Variants in SPEN observed in about 807,000 individuals in gnomAD.
SPEN encodes the protein msx2-interacting protein.
A neutral mutation model predicts 269.9 loss-of-function variants in SPEN; 18 were observed. The ratio of observed to expected loss-of-function variants is 0.07; its 90% CI spans 0.05 to 0.10. The LOEUF (loss-of-function observed/expected upper bound fraction) is 0.10. Ranked by LOEUF, SPEN falls within the 10% of genes least tolerant of loss-of-function variation. The probability of loss-of-function intolerance (pLI) is 1.00; values close to 1 mark genes in which losing one functional copy is unlikely to be tolerated. For synonymous variants in SPEN, 1,726 were observed against 1,765.7 expected (o/e 0.98, Z 0.56); for missense variants, 3,822 against 4,631.2 (o/e 0.83, Z 5.07).
At chr1:15,896,766 T>A (rs1434335665) in intron 3 of SPEN, among the ~76,000 whole-genome samples, 1 of 152,172 alleles carries the variant, frequency 6.6e-6, no homozygotes, top group Non-Finnish European at 1.5e-5. Flanking sequence ...AGAGGAAAAA[T>A]TACTAGCTTG....
chr1:15,921,852 T>A (rs1159264351), intron 9 of SPEN, among the ~76,000 whole-genome samples: 2 of 152,252 alleles, frequency 1.3e-5, no homozygotes, highest in African/African-American at 4.8e-5. Flanking sequence ...GAGCATCATA[T>A]GCTTTAGTAA....
At chr1:15,865,569 C>T (rs573980858) in intron 1 of SPEN, among the ~76,000 whole-genome samples, 30 of 150,646 alleles carry the variant, frequency 2.0e-4, no homozygotes, top group Non-Finnish European at 3.2e-4. Context: ...ACTACAGGCA[C>T]GCACCGCCAC....
chr1:15,853,486 T>C (rs2070356099), intron 1 of SPEN, among the ~76,000 whole-genome samples: 1 of 150,814 alleles, frequency 6.6e-6, no homozygotes, highest in Admixed American at 6.6e-5. Context: ...TGTGCTGGCC[T>C]ATTTTTATTT....
chr1:15,934,822 T>C lies in SPEN; in HGVS notation c.8582T>C (p.Val2861Ala), dbSNP rs2148742902. 1 of 1,614,176 alleles carries C rather than the reference T, an allele frequency of 6.2e-7. No homozygotes were observed. Among genetic ancestry groups the C allele is most frequent in the South Asian group, 1.1e-5 (1 of 91,080 alleles). Residue 2861 changes from valine to alanine, a missense_variant, in exon 11 of 15, where the codon GTC becomes GCC. Val to Ala is a moderately conservative substitution (Grantham distance 64). This residue lies in a region of SPEN where 329 missense variants were observed against 431.2 expected (regional missense o/e 0.76). Coordinates refer to ENST00000375759, the MANE Select transcript of SPEN (RefSeq NM_015001.3). The surrounding 1 kb of genome is among the most constrained non-coding windows in gnomAD (Gnocchi z 9.2). The part of the protein sequence containing the change: ...VSKSQVKPDS[V>A]TASQPPSKGP... Reference sequence around the variant, plus strand: ...AAGTCCCAGGTCAAACCTGATTCTGTCACAGCATCGCAGCCTCCATCCAAA... The same window carrying C: ...AAGTCCCAGGTCAAACCTGATTCTGCCACAGCATCGCAGCCTCCATCCAAA...
At chr1:15,899,369 G>T (rs547083850) in intron 3 of SPEN, among the ~76,000 whole-genome samples, 1 of 151,792 alleles carries the variant, frequency 6.6e-6, no homozygotes, top group South Asian at 2.1e-4. Context: ...TTGTAGAGAC[G>T]GGGTTTCGCC....
At chr1:15,907,098 T>A (rs1358623556) in intron 3 of SPEN, among the ~76,000 whole-genome samples, 1 of 152,096 alleles carries the variant, frequency 6.6e-6, no homozygotes, top group Non-Finnish European at 1.5e-5. Context: ...CTTTAACATG[T>A]GAGAGCTAAA....
At chr1:15,852,569 A>T (rs1184593067) in intron 1 of SPEN, among the ~76,000 whole-genome samples, 1 of 152,198 alleles carries the variant, frequency 6.6e-6, no homozygotes, top group Admixed American at 6.6e-5. Flanking sequence ...GCTCACTGCC[A>T]GGAAGAATGA....
intron 1 of SPEN, among the ~76,000 whole-genome samples, chr1:15,871,029 G>C (rs1037549453): frequency 6.7e-6 from 1 of 149,024 alleles, no homozygotes. Flanking sequence ...TGCCCAGGGT[G>C]GATCTCGGCC....
Position 15,938,798 on chromosome 1 carries a change from C to T in SPEN, c.10785C>T (p.Leu3595=), listed in dbSNP as rs760444681. The part of the protein sequence containing the change: ...QEDVVSQTES[L]KAAFITYLQA... ...ATGTTGTGAGCCAGACCGAGTCCCT[C>T]AAGGCTGCCTTCATCACTTACCTGC... Residue 3595 remains leucine (L), a synonymous_variant, in exon 14 of 15, where the codon CTC becomes CTT. Coordinates refer to ENST00000375759, the MANE Select transcript of SPEN (RefSeq NM_015001.3). The T allele has an allele frequency of 6.2e-7, 1 of 1,614,060 alleles. No individual in the cohort carries two copies. Among genetic ancestry groups the T allele is most frequent in the South Asian group, 1.1e-5 (1 of 91,080 alleles).
At chr1:15,851,051 A>C (rs1280829034) in intron 1 of SPEN, among the ~76,000 whole-genome samples, 1 of 152,240 alleles carries the variant, frequency 6.6e-6, no homozygotes, top group East Asian at 1.9e-4. Flanking sequence ...TAAACCAGAC[A>C]GCTTTGGGGA....
In SPEN at chr1:15,930,124, T is replaced by C. The variant is rs1439402055; in HGVS notation, c.3884T>C (p.Leu1295Pro). 1 of 1,614,096 alleles carries C rather than the reference T, an allele frequency of 6.2e-7. No individual in the cohort carries two copies. The highest frequency in any genetic ancestry group is 1.3e-5 in the African/African-American group (1 of 74,930). The change falls in exon 11 of 15, where the codon CTC (leucine) becomes CCC (proline). Residue 1295 changes from leucine to proline, a missense_variant. Physicochemically the swap from Leu to Pro is moderately conservative, Grantham distance 98. Coordinates refer to ENST00000375759, the MANE Select transcript of SPEN (RefSeq NM_015001.3). The surrounding 1 kb of genome is among the most constrained non-coding windows in gnomAD (Gnocchi z 5.3). ...TCTCCTAAAGTAGATGAAAAAGTCC[T>C]CCCCTATTCTAACATAACAGTCAGG... ...KGSPKVDEKV[L>P]PYSNITVREE...
At chr1:15,877,044 T>C (rs74054879) in intron 3 of SPEN, among the ~76,000 whole-genome samples, 3,112 of 152,308 alleles carry the variant, frequency 0.02, 97 homozygotes, top group African/African-American at 0.07. Flanking sequence ...ATTATTTTGA[T>C]TGAAGATTTG....
At chr1:15,854,570 C>T (rs774349552) in intron 1 of SPEN, among the ~76,000 whole-genome samples, 6 of 152,118 alleles carry the variant, frequency 3.9e-5, no homozygotes, top group Non-Finnish European at 8.8e-5. Context: ...TCACCGCGAC[C>T]TCTGCCTCCC....
intron 10 of SPEN, among the ~76,000 whole-genome samples, chr1:15,926,323 C>T (rs1182281439): frequency 6.6e-6 from 1 of 151,838 alleles, no homozygotes; most frequent in Non-Finnish European, 1.5e-5. Context: ...TCGCTTGAAC[C>T]CCAGAGGTGG....
In SPEN at chr1:15,874,861, A is replaced by G. The variant is rs548182029; in HGVS notation, c.405-1341A>G. ...AGTTGTTTTTCACAATAGCAGCAAA[A>G]AAAGCTAAACTAAGCCTAGGAAGGT... is the stretch of plus-strand genomic sequence containing the variant. On this transcript the variant is annotated intron_variant, in intron 2 of 14. Coordinates refer to ENST00000375759, the MANE Select transcript of SPEN (RefSeq NM_015001.3). 2.0e-5 allele frequency among the ~76,000 whole-genome samples: 3 copies of G among 152,352 alleles called. No homozygotes were observed. In the South Asian group the frequency reaches 6.2e-4, roughly 32 times the overall value.
At chr1:15,867,678 A>C (rs550389526) in intron 1 of SPEN, among the ~76,000 whole-genome samples, 1 of 143,048 alleles carries the variant, frequency 7.0e-6, no homozygotes, top group Admixed American at 7.0e-5. Context: ...GAGGGTTCAG[A>C]TTTCTCTTCA....
At chr1:15,915,517 A>C (rs1289322129) in intron 5 of SPEN, among the ~76,000 whole-genome samples, 1 of 152,088 alleles carries the variant, frequency 6.6e-6, no homozygotes, top group Non-Finnish European at 1.5e-5. Context: ...TAGCAAAGAT[A>C]TCTATCTATT....
chr1:15,864,343 A>T (rs935635656), intron 1 of SPEN, among the ~76,000 whole-genome samples: 4 of 151,892 alleles, frequency 2.6e-5, no homozygotes, highest in Non-Finnish European at 4.4e-5. Flanking sequence ...TAAGTTTTGT[A>T]CTTTTAGTAA....
At chr1:15,850,440 T>C (rs2070323996) in intron 1 of SPEN, among the ~76,000 whole-genome samples, 1 of 152,108 alleles carries the variant, frequency 6.6e-6, no homozygotes, top group Non-Finnish European at 1.5e-5. Flanking sequence ...TTTAGTTGTT[T>C]AAATAGACAG....
Sources: gnomAD v4.1 joint callset for allele counts (sites outside exome capture counted in the v4.1 genomes callset) on GRCh38, gnomAD v4.1.1 for gene constraint, gnomAD v4.1.1 regional missense constraint, Gnocchi (gnomAD v3.1) non-coding constraint, MANE v1.5 for transcripts, NCBI Gene and HGNC (gene_info 2026-07-23, HGNC 2026-07-21) for gene names.